SLC9C1: variants seen among roughly 807,000 people sequenced by gnomAD.
SLC9C1 encodes solute carrier family 9 member C1, also known as sodium/hydrogen exchanger 10.
SLC9C1 carries 97 observed loss-of-function variants against 140.9 expected under a neutral mutation model. The observed-to-expected ratio is 0.69, with a 90% CI of 0.58 to 0.82. The LOEUF is 0.82. Among genes scored for constraint, SLC9C1 ranks in the 40% least tolerant of loss-of-function variants. SLC9C1 has a pLI of 0.00. For missense variants in SLC9C1, 1,340 were observed against 1,389.3 expected (o/e 0.96, Z 0.56); for synonymous variants, 440 against 442.6 (o/e 0.99, Z 0.07).
chr3:112,257,987 T>C (rs1039983441), intron 10 of SLC9C1, among the ~76,000 whole-genome samples: 2 of 152,076 alleles, frequency 1.3e-5, no homozygotes, highest in Non-Finnish European at 2.9e-5. Flanking sequence ...TCAAAACCAT[T>C]ATGAGATACC....
chr3:112,259,611 C>T (rs2079714603), intron 10 of SLC9C1, among the ~76,000 whole-genome samples: 1 of 151,984 alleles, frequency 6.6e-6, no homozygotes, highest in African/African-American at 2.4e-5. Context: ...ACAACAGACA[C>T]TGGGCTTACT....
At chr3:112,144,669 G>A (rs1251197603) in intron 28 of SLC9C1, among the ~76,000 whole-genome samples, 1 of 151,930 alleles carries the variant, frequency 6.6e-6, no homozygotes, top group East Asian at 1.9e-4. Flanking sequence ...TTACCTCCTT[G>A]GTTGCATGTA....
chr3:112,147,500 C>A, intron 28 of SLC9C1: 1 of 421,664 alleles, frequency 2.4e-6, no homozygotes, highest in Non-Finnish European at 4.7e-6. Context: ...ATTCCCTTAG[C>A]ACTTTCTTGT....
intron 10 of SLC9C1, among the ~76,000 whole-genome samples, chr3:112,244,497 C>G (rs371192061): frequency 2.0e-5 from 3 of 152,198 alleles, no homozygotes; most frequent in South Asian, 2.1e-4. Flanking sequence ...CTGCATCAAA[C>G]AATTCTCCTC....
chr3:112,255,111 C>T lies in SLC9C1; in HGVS notation c.1197+7813G>A, dbSNP rs147702418. ...AAGTTCTTAGAGACCTACAAAGAGACTTATACTCCCACACAAGAATAGTGG... is the reference window on the plus strand; with the variant it reads ...AAGTTCTTAGAGACCTACAAAGAGATTTATACTCCCACACAAGAATAGTGG... On this transcript the variant is annotated intron_variant, in intron 10 of 28. Coordinates refer to ENST00000305815, the MANE Select transcript of SLC9C1 (RefSeq NM_183061.3). Among the ~76,000 whole-genome samples the T allele has an allele frequency of 1.0e-3, 153 of 152,220 alleles. 3 individuals are homozygous for T. The East Asian group carries it at 0.013, about 13-fold the overall frequency.
intron 28 of SLC9C1, among the ~76,000 whole-genome samples, chr3:112,144,164 G>C (rs1447338464): frequency 7.1e-6 from 1 of 140,160 alleles, no homozygotes; most frequent in Middle Eastern, 3.5e-3. Flanking sequence ...ATAGTATTGT[G>C]ATGCCCTGGC....
chr3:112,257,959 T>A, intron 10 of SLC9C1, among the ~76,000 whole-genome samples: 1 of 152,186 alleles, frequency 6.6e-6, no homozygotes, highest in East Asian at 1.9e-4. Flanking sequence ...GTATCATTGA[T>A]CATTAGAGTA....
chr3:112,168,005 T>C (rs1458033896), intron 25 of SLC9C1, among the ~76,000 whole-genome samples: 1 of 152,182 alleles, frequency 6.6e-6, no homozygotes, highest in Non-Finnish European at 1.5e-5. Context: ...TTGTGATCCT[T>C]TCTCACCTTG....
intron 10 of SLC9C1, among the ~76,000 whole-genome samples, chr3:112,250,583 A>G (rs1377814293): frequency 2.6e-5 from 4 of 152,084 alleles, no homozygotes; most frequent in Non-Finnish European, 5.9e-5. Flanking sequence ...TGTTGTGTCT[A>G]TGGTTTTTCA....
chr3:112,208,889 T>G (rs768362687), intron 15 of SLC9C1, among the ~76,000 whole-genome samples: 2 of 152,182 alleles, frequency 1.3e-5, no homozygotes, highest in Non-Finnish European at 2.9e-5. Context: ...CTTGTCAAGG[T>G]ATAAAATTGG....
chr3:112,217,391 G>A (rs774981973), intron 15 of SLC9C1, 51 bp downstream of exon 15: 4 of 1,497,810 alleles, frequency 2.7e-6, no homozygotes, highest in Non-Finnish European at 3.5e-6. Context: ...AAAAAACAGG[G>A]AATTTCAAGT....
Position 112,231,215 on chromosome 3 carries a change from A to T in SLC9C1, c.1572+146T>A, listed in dbSNP as rs927646637. On this transcript the variant is annotated intron_variant, in intron 13 of 28. Coordinates refer to ENST00000305815, the MANE Select transcript of SLC9C1 (RefSeq NM_183061.3). Reference sequence around the variant, plus strand: ...TCTCTCTTTCTTTTTCTTTCCAATCAAGCAGATTCCTAAGACAATGTCAAA... The same window carrying T: ...TCTCTCTTTCTTTTTCTTTCCAATCTAGCAGATTCCTAAGACAATGTCAAA... 9 of 743,848 alleles carry T rather than the reference A, an allele frequency of 1.2e-5. No homozygotes were observed. The African/African-American group carries it at 1.5e-4, about 12-fold the overall frequency. 46.1% of individuals were successfully genotyped at this position (743,848 alleles called of 1,614,324 possible). A position where few individuals can be genotyped will look rare whatever the true frequency, so the allele number is the denominator to read the frequency against.
chr3:112,267,879 G>A (rs930953250), intron 7 of SLC9C1, among the ~76,000 whole-genome samples: 4 of 152,132 alleles, frequency 2.6e-5, no homozygotes, highest in Non-Finnish European at 4.4e-5. Context: ...CTTGTTAGGT[G>A]ATGGTGAAGT....
At chr3:112,161,258 G>A (rs1280889768) in intron 26 of SLC9C1, among the ~76,000 whole-genome samples, 1 of 152,174 alleles carries the variant, frequency 6.6e-6, no homozygotes, top group Admixed American at 6.5e-5. Context: ...TTGCTGTGCG[G>A]AAGCTCTTTA....
At chr3:112,260,372 T>C (rs1243235918) in intron 10 of SLC9C1, among the ~76,000 whole-genome samples, 1 of 152,122 alleles carries the variant, frequency 6.6e-6, no homozygotes, top group African/African-American at 2.4e-5. Context: ...TTTAGATTCT[T>C]GAGTATATTT....
intron 10 of SLC9C1, among the ~76,000 whole-genome samples, chr3:112,256,928 A>G (rs1213772519): frequency 6.6e-6 from 1 of 152,110 alleles, no homozygotes; most frequent in Non-Finnish European, 1.5e-5. Context: ...CAACCAAGCC[A>G]AGAGCCAAAT....
intron 10 of SLC9C1, among the ~76,000 whole-genome samples, chr3:112,257,438 A>C (rs1308400454): frequency 6.6e-6 from 1 of 152,172 alleles, no homozygotes; most frequent in Non-Finnish European, 1.5e-5. Context: ...TGTCAAAAAG[A>C]AGCAATAGGG....
At chr3:112,256,986 T>C (rs1159560610) in intron 10 of SLC9C1, among the ~76,000 whole-genome samples, 1 of 151,878 alleles carries the variant, frequency 6.6e-6, no homozygotes, top group Non-Finnish European at 1.5e-5. Flanking sequence ...CCTAAGAATA[T>C]AGCTAACCAG....
chr3:112,183,254 A>G (rs1032086208), intron 20 of SLC9C1, among the ~76,000 whole-genome samples: 3 of 151,434 alleles, frequency 2.0e-5, no homozygotes, highest in African/African-American at 4.9e-5. Flanking sequence ...GGTATTGTCA[A>G]TTTAAAAAAA....
Sources: allele counts gnomAD v4.1 joint callset (sites outside exome capture counted in the v4.1 genomes callset), GRCh38; gene constraint gnomAD v4.1.1; transcripts MANE v1.5; gene names NCBI Gene and HGNC (gene_info 2026-07-23, HGNC 2026-07-21).